TFDP1: variants seen among roughly 807,000 people sequenced by gnomAD.
TFDP1 encodes the protein DRTF1-polypeptide 1.
In TFDP1, 6 loss-of-function variants were observed where a neutral mutation model predicts 48.0. The ratio of observed to expected loss-of-function variants is 0.13; its 90% CI spans 0.07 to 0.25. TFDP1 has a LOEUF of 0.25. Ranked by LOEUF, TFDP1 falls within the 10% of genes least tolerant of loss-of-function variation. The pLI, the probability that TFDP1 is intolerant of heterozygous loss-of-function variation, is 1.00. For missense variants in TFDP1, 335 were observed against 543.0 expected, an observed-to-expected ratio of 0.62 and a Z score of 3.81; for synonymous variants, 201 against 211.6, an observed-to-expected ratio of 0.95 and a Z score of 0.44.
intron 3 of TFDP1, among the ~76,000 whole-genome samples, chr13:113,613,734 GTGTGTC>G (rs934708367): frequency 1.2e-4 from 14 of 116,180 alleles, no homozygotes; most frequent in Non-Finnish European, 2.2e-4. Flanking sequence ...GTGTGCATGA[GTGTGTC>G]TGTGTGTATG....
chr13:113,635,931 G>A (rs777954306), intron 8 of TFDP1, 46 bp from the exon 9 acceptor site: 52 of 1,593,018 alleles, frequency 3.3e-5, no homozygotes, highest in South Asian at 9.1e-5. Context: ...CAGGGGCTGC[G>A]TTCTTGTGCC....
intron 3 of TFDP1, among the ~76,000 whole-genome samples, chr13:113,611,453 A>G (rs903901887): frequency 6.6e-6 from 1 of 152,252 alleles, no homozygotes; most frequent in East Asian, 1.9e-4. Flanking sequence ...ACCATGGTGC[A>G]TGCCTTCTGC....
At chr13:113,629,890 G>A (rs2049288227) in intron 4 of TFDP1, among the ~76,000 whole-genome samples, 4 of 152,204 alleles carry the variant, frequency 2.6e-5, no homozygotes, top group Non-Finnish European at 5.9e-5. Context: ...GATTCCTGGG[G>A]AAGGGAGTGG....
chr13:113,633,504 A>G lies in TFDP1; in HGVS notation c.474+219A>G, dbSNP rs929534246. ...TACGTTTCGCTCTTTTAATATCGGG[A>G]ACAGTTAAAACCATACAGAAAATGC... On this transcript the variant is annotated intron_variant, in intron 6 of 11. Transcript: ENST00000375370. The surrounding 1 kb of genome is among the most constrained non-coding windows in gnomAD (Gnocchi z 4.5). 3.9e-5 allele frequency among the ~76,000 whole-genome samples: 6 copies of G among 152,196 alleles called. No homozygotes were observed. The highest frequency in any genetic ancestry group is 8.8e-5 in the Non-Finnish European group (6 of 68,016).
chr13:113,589,001 T>C (rs1169447412), intron 2 of TFDP1, among the ~76,000 whole-genome samples: 1 of 143,576 alleles, frequency 7.0e-6, no homozygotes, highest in African/African-American at 2.6e-5. Flanking sequence ...GGTGGTAGAC[T>C]GGAGGAGAGT....
At chr13:113,631,803 C>CG in intron 5 of TFDP1, 59 bp downstream of exon 5, 3 of 1,598,176 alleles carry the variant, frequency 1.9e-6, no homozygotes, top group Admixed American at 1.7e-5. Context: ...CGCACCTCCA[C>CG]GTTCTCCTGG....
chr13:113,626,485 T>A (rs2049182480), intron 4 of TFDP1, among the ~76,000 whole-genome samples: 1 of 151,790 alleles, frequency 6.6e-6, no homozygotes, highest in Admixed American at 6.6e-5. Flanking sequence ...TTCCCCGCGC[T>A]CCCTTCCCCG....
intron 2 of TFDP1, among the ~76,000 whole-genome samples, chr13:113,604,782 C>G (rs2048524297): frequency 6.6e-6 from 1 of 152,180 alleles, no homozygotes; most frequent in Admixed American, 6.5e-5. Flanking sequence ...GGCGGTCACC[C>G]CACATACAGG....
chr13:113,635,588 G>A (rs549121945), intron 8 of TFDP1, among the ~76,000 whole-genome samples: 3 of 152,314 alleles, frequency 2.0e-5, no homozygotes, highest in Non-Finnish European at 4.4e-5. Flanking sequence ...TCCAGGGTGG[G>A]CAAAGTCCAC....
chr13:113,639,981 A>G, intron 11 of TFDP1, 139 bp from the exon 12 acceptor site: 1 of 638,968 alleles, frequency 1.6e-6, no homozygotes, highest in Non-Finnish European at 2.7e-6. Flanking sequence ...GCAGACACTC[A>G]GCCTCCCCGT....
rs184680553 is a variant in TFDP1, at chr13:113,591,893, G to A, written c.12+6044G>A. 2.7e-3 allele frequency among the ~76,000 whole-genome samples: 407 copies of A among 152,282 alleles called. 1 individual carries two copies. The highest frequency in any genetic ancestry group is 5.6e-3 in the African/African-American group (232 of 41,562). On this transcript the variant is annotated intron_variant, in intron 2 of 11. Transcript: ENST00000375370. ...CTTACTCAGATGATTCTGGTTGTTC[G>A]GGTACTGGCCATGCACTGCTCTCTG...
chr13:113,603,085 G>T (rs752279138), intron 2 of TFDP1, among the ~76,000 whole-genome samples: 25 of 152,144 alleles, frequency 1.6e-4, no homozygotes, highest in Non-Finnish European at 2.9e-4. Context: ...TTATACTCTA[G>T]TGGGGAGCTG....
chr13:113,636,255 T>G (rs2049484208), intron 9 of TFDP1, 127 bp downstream of exon 9: 1 of 1,336,046 alleles, frequency 7.5e-7, no homozygotes, highest in East Asian at 2.3e-5. Context: ...CAAATTGCTG[T>G]CCATTGGGGG....
intron 11 of TFDP1, among the ~76,000 whole-genome samples, chr13:113,638,215 T>A (rs900431136): frequency 6.6e-6 from 1 of 152,066 alleles, no homozygotes; most frequent in South Asian, 2.1e-4. Flanking sequence ...TATTTCCAGG[T>A]TTTTTTTCCC....
intron 3 of TFDP1, among the ~76,000 whole-genome samples, chr13:113,616,171 C>T (rs2048851943): frequency 6.8e-6 from 1 of 147,900 alleles, no homozygotes; most frequent in African/African-American, 2.5e-5. Flanking sequence ...CCACTGCACT[C>T]TAGCCTGGGT....
intron 11 of TFDP1, among the ~76,000 whole-genome samples, chr13:113,639,404 T>G (rs566297735): frequency 6.6e-6 from 1 of 152,364 alleles, no homozygotes; most frequent in Non-Finnish European, 1.5e-5. Context: ...AAGTACCTCA[T>G]GAAAGGACAT....
intron 2 of TFDP1, among the ~76,000 whole-genome samples, chr13:113,604,918 T>G (rs2048527719): frequency 6.6e-6 from 1 of 152,086 alleles, no homozygotes; most frequent in African/African-American, 2.4e-5. Context: ...GGAGCCCATG[T>G]GAGGAGGTTG....
At chr13:113,640,095 G>T (rs2049604797) in intron 11 of TFDP1, 25 bp from the exon 12 acceptor site, 1 of 1,564,218 alleles carries the variant, frequency 6.4e-7, no homozygotes, top group African/African-American at 1.4e-5. Flanking sequence ...TGCACTGACG[G>T]CGCCATCCGC....
intron 2 of TFDP1, among the ~76,000 whole-genome samples, chr13:113,589,572 C>T (rs906682628): frequency 5.3e-5 from 8 of 152,216 alleles, no homozygotes; most frequent in South Asian, 2.1e-4. Context: ...TCAGGCCCTC[C>T]GCCTCAGGGC....
Sources: gnomAD v4.1 joint callset for allele counts (sites outside exome capture counted in the v4.1 genomes callset) on GRCh38, gnomAD v4.1.1 for gene constraint, Gnocchi (gnomAD v3.1) non-coding constraint, MANE v1.5 for transcripts, NCBI Gene and HGNC (gene_info 2026-07-23, HGNC 2026-07-21) for gene names.